Variants in CUL3 observed in about 807,000 individuals in gnomAD.
CUL3 encodes cullin 3, also known as cullin-3.
A neutral mutation model predicts 89.1 loss-of-function variants in CUL3; 19 were observed. That is an observed-to-expected ratio of 0.21 (90% CI 0.15 to 0.31). The LOEUF (loss-of-function observed/expected upper bound fraction) is 0.31. Ranked by LOEUF, CUL3 falls within the 10% of genes least tolerant of loss-of-function variation. The pLI, the probability that CUL3 is intolerant of heterozygous loss-of-function variation, is 1.00. For synonymous variants in CUL3, 351 were observed against 308.4 expected, an observed-to-expected ratio of 1.14 and a Z score of -1.45; for missense variants, 469 against 942.3, an observed-to-expected ratio of 0.50 and a Z score of 6.58.
intron 1 of CUL3, among the ~76,000 whole-genome samples, chr2:224,575,591 C>T (rs965853718): frequency 2.6e-5 from 4 of 152,172 alleles, no homozygotes; most frequent in Non-Finnish European, 5.9e-5. Context: ...AATAATAACA[C>T]CTTGCATTTA....
At position 224,470,357 on chromosome 2, in the gene CUL3, G is replaced by A; in HGVS notation, c.*3888C>T. ...CGAGGTCAACTTAGACCCTAAAACT[G>A]AGCATCAAATTACTTAAATGACACG... On this transcript the variant is annotated 3_prime_UTR_variant, in exon 16 of 16. Transcript: ENST00000264414. The A allele has an allele frequency of 4.4e-6, 1 of 228,714 alleles. No individual in the cohort carries two copies. Among genetic ancestry groups the A allele is most frequent in the Non-Finnish European group, 8.7e-6 (1 of 115,316 alleles). The allele number at this position is 228,714 out of a possible 1,614,324, so 14.2% of individuals were successfully genotyped here. A position where few individuals can be genotyped will look rare whatever the true frequency, so the allele number is the denominator to read the frequency against.
At chr2:224,498,918 T>C (rs930065937) in intron 11 of CUL3, among the ~76,000 whole-genome samples, 2 of 152,206 alleles carry the variant, frequency 1.3e-5, no homozygotes, top group Non-Finnish European at 2.9e-5. Flanking sequence ...CAACTGGCTA[T>C]GGTAATGTAG....
intron 1 of CUL3, among the ~76,000 whole-genome samples, chr2:224,574,106 T>C (rs1285864368): frequency 6.6e-6 from 1 of 152,224 alleles, no homozygotes; most frequent in Non-Finnish European, 1.5e-5. Context: ...CTCTTAGCAA[T>C]GATGGCTTGC....
Position 224,473,165 on chromosome 2 carries a change from A to G in CUL3, c.*1080T>C. On this transcript the variant is annotated 3_prime_UTR_variant, in exon 16 of 16. Coordinates refer to ENST00000264414, the MANE Select transcript of CUL3 (RefSeq NM_003590.5). ...ATTGCTTAATCACTTTCCAAAACAC[A>G]GCTGCAAGAATTGAAGATTTCATTA... 1 of 200,002 alleles carries G rather than the reference A, an allele frequency of 5.0e-6. No individual in the cohort carries two copies. The highest frequency in any genetic ancestry group is 1.0e-5 in the Non-Finnish European group (1 of 96,530). 12.4% of individuals were successfully genotyped at this position (200,002 alleles called of 1,614,324 possible).
At chr2:224,476,001 AG>A (rs1365441270) in intron 15 of CUL3, among the ~76,000 whole-genome samples, 1 of 151,732 alleles carries the variant, frequency 6.6e-6, no homozygotes. Context: ...ACTGAAACAC[AG>A]TCACATGTAT....
intron 1 of CUL3, among the ~76,000 whole-genome samples, chr2:224,582,286 C>A (rs1269559875): frequency 1.3e-5 from 2 of 152,082 alleles, no homozygotes; most frequent in African/African-American, 4.8e-5. Flanking sequence ...CTTTACGGAA[C>A]ACTAGGTATT....
chr2:224,524,184 T>G (rs758403513), intron 3 of CUL3, among the ~76,000 whole-genome samples: 15 of 152,086 alleles, frequency 9.9e-5, no homozygotes, highest in Non-Finnish European at 2.2e-4. Context: ...AAGGCAAACA[T>G]ACTGAGAGGA....
chr2:224,563,668 T>C (rs1228188838), intron 1 of CUL3, among the ~76,000 whole-genome samples: 1 of 152,216 alleles, frequency 6.6e-6, no homozygotes, highest in Non-Finnish European at 1.5e-5. Context: ...TGTAGTATGA[T>C]GAAATCTCAT....
chr2:224,530,434 A>G (rs1693653856), intron 3 of CUL3, among the ~76,000 whole-genome samples: 1 of 152,210 alleles, frequency 6.6e-6, no homozygotes, highest in South Asian at 2.1e-4. Context: ...TTGAGGGTAA[A>G]AGTCTTACAA....
intron 1 of CUL3, among the ~76,000 whole-genome samples, chr2:224,577,176 T>C (rs1695321456): frequency 6.6e-6 from 1 of 152,222 alleles, no homozygotes; most frequent in East Asian, 1.9e-4. Context: ...TAAAGCTTTA[T>C]TTTATTTATC....
chr2:224,575,362 G>C (rs1486028749), intron 1 of CUL3, among the ~76,000 whole-genome samples: 1 of 152,166 alleles, frequency 6.6e-6, no homozygotes, highest in Non-Finnish European at 1.5e-5. Context: ...TTCTCCAGGA[G>C]TAGCTAGAAA....
rs11350781 is a variant in CUL3, at chr2:224,500,627, CTTTTTTT to C, written c.1486-147_1486-141del. 5.0e-5 allele frequency: 20 copies of C among 396,326 alleles called. No homozygotes were observed. In the East Asian group the frequency reaches 7.8e-4, roughly 15 times the overall value. 24.6% of individuals were successfully genotyped at this position (396,326 alleles called of 1,614,324 possible). A position where few individuals can be genotyped will look rare whatever the true frequency, so the allele number is the denominator to read the frequency against. ...TTTAAAAAAAAGCAGATTTTCTTTT[CTTTTTTT>C]TTTTTTTTTTGAGACAGAGTTTCGC... On this transcript the variant is annotated intron_variant, in intron 10 of 15. Transcript: ENST00000264414.
At chr2:224,527,698 T>A (rs562839937) in intron 3 of CUL3, among the ~76,000 whole-genome samples, 19 of 152,284 alleles carry the variant, frequency 1.2e-4, no homozygotes, top group African/African-American at 4.6e-4. Flanking sequence ...TCTTCCCACC[T>A]CTCCTACTTT....
intron 1 of CUL3, among the ~76,000 whole-genome samples, chr2:224,584,289 C>G (rs1297639817): frequency 1.3e-5 from 2 of 151,576 alleles, no homozygotes; most frequent in Admixed American, 6.6e-5. Context: ...TTCCCCCCCA[C>G]CCGGCCTTCC....
chr2:224,564,670 G>T (rs952153334), intron 1 of CUL3, among the ~76,000 whole-genome samples: 4 of 152,118 alleles, frequency 2.6e-5, no homozygotes, highest in Non-Finnish European at 5.9e-5. Context: ...TGTGGATGGG[G>T]TGGGGACTTC....
At position 224,555,839 on chromosome 2, in the gene CUL3, A is replaced by G. The variant is rs377493696; in HGVS notation, c.264+1820T>C. ...AACCTCTCCTCCGTTTGAATTCTTA[A>G]GCCATTTATTGCCTATGCAACTCAC... is the stretch of plus-strand genomic sequence containing the variant. On this transcript the variant is annotated intron_variant, in intron 2 of 15. Coordinates refer to ENST00000264414, the MANE Select transcript of CUL3 (RefSeq NM_003590.5). Among the ~76,000 whole-genome samples, 330 of 152,310 alleles carry G rather than the reference A, an allele frequency of 2.2e-3. 4 individuals carry two copies. The highest frequency in any genetic ancestry group is 7.1e-3 in the African/African-American group (297 of 41,578).
intron 15 of CUL3, 53 bp downstream of exon 15, chr2:224,478,144 TTTG>T: frequency 2.7e-6 from 4 of 1,491,742 alleles, no homozygotes; most frequent in Non-Finnish European, 3.6e-6. Context: ...ATACAATAAT[TTTG>T]TTAATAATGT....
At chr2:224,568,533 T>A (rs944883679) in intron 1 of CUL3, among the ~76,000 whole-genome samples, 8 of 152,222 alleles carry the variant, frequency 5.3e-5, no homozygotes, top group African/African-American at 1.7e-4. Context: ...AGGAAAACGG[T>A]TGAATGTGTT....
chr2:224,575,393 T>C (rs1048678991), intron 1 of CUL3, among the ~76,000 whole-genome samples: 3 of 152,052 alleles, frequency 2.0e-5, no homozygotes, highest in African/African-American at 4.8e-5. Context: ...TGGGGGCAAA[T>C]AGGTAGAACG....
Sources: allele counts gnomAD v4.1 joint callset (sites outside exome capture counted in the v4.1 genomes callset), GRCh38; gene constraint gnomAD v4.1.1; transcripts MANE v1.5; gene names NCBI Gene and HGNC (gene_info 2026-07-23, HGNC 2026-07-21).